Variants in MAPK8 observed in about 807,000 individuals in gnomAD.
The protein encoded by MAPK8 is JUN N-terminal kinase.
Under a neutral mutation model 52.9 loss-of-function variants are expected in MAPK8, and 13 were observed. The observed-to-expected ratio is 0.25, with a 90% CI of 0.16 to 0.39. MAPK8 has a LOEUF of 0.39. Among genes scored for constraint, MAPK8 ranks in the 10% least tolerant of loss-of-function variants. The pLI is 1.00. For synonymous variants in MAPK8, 191 were observed against 169.8 expected (o/e 1.12, Z -0.97); for missense variants, 300 against 519.2 (o/e 0.58, Z 4.10).
At chr10:48,318,246 G>A (rs1003911977) in intron 1 of MAPK8, among the ~76,000 whole-genome samples, 2 of 152,158 alleles carry the variant, frequency 1.3e-5, no homozygotes, top group Non-Finnish European at 2.9e-5. Context: ...GTGATTGGAT[G>A]AGGCCTACCC....
chr10:48,390,389 G>C (rs1419883323), intron 1 of MAPK8, among the ~76,000 whole-genome samples: 1 of 152,154 alleles, frequency 6.6e-6, no homozygotes, highest in Non-Finnish European at 1.5e-5. Context: ...GTCATAGATA[G>C]GTCTATTGGT....
chr10:48,385,804 TAG>T (rs1367412000), intron 1 of MAPK8, among the ~76,000 whole-genome samples: 75 of 152,294 alleles, frequency 4.9e-4, no homozygotes, highest in African/African-American at 1.8e-3. Context: ...CAAATGGAAA[TAG>T]TAGTTTTTGC....
intron 1 of MAPK8, among the ~76,000 whole-genome samples, chr10:48,326,617 T>C (rs1209663492): frequency 1.3e-5 from 2 of 152,214 alleles, no homozygotes; most frequent in Non-Finnish European, 2.9e-5. Context: ...ATTAGAAATA[T>C]CTGTATATCT....
chr10:48,350,680 A>G (rs1202092943), intron 1 of MAPK8, among the ~76,000 whole-genome samples: 5 of 152,202 alleles, frequency 3.3e-5, no homozygotes, highest in African/African-American at 9.6e-5. Flanking sequence ...GGCAAAAGCT[A>G]GAAGCATTCC....
chr10:48,360,146 T>C (rs762955083), intron 1 of MAPK8, among the ~76,000 whole-genome samples: 6 of 151,938 alleles, frequency 3.9e-5, no homozygotes, highest in Non-Finnish European at 7.4e-5. Flanking sequence ...CAGCCTGGGC[T>C]ACAAAGTGAG....
intron 10 of MAPK8, among the ~76,000 whole-genome samples, chr10:48,428,826 T>C (rs972025273): frequency 9.9e-5 from 15 of 152,144 alleles, no homozygotes; most frequent in Non-Finnish European, 2.1e-4. Context: ...TTTTTTTGTT[T>C]GTTTGTTTTT....
At chr10:48,321,788 T>C (rs1035602366) in intron 1 of MAPK8, among the ~76,000 whole-genome samples, 4 of 152,224 alleles carry the variant, frequency 2.6e-5, no homozygotes, top group Non-Finnish European at 5.9e-5. Flanking sequence ...CCAAATTGTC[T>C]TGGGCATTCT....
intron 1 of MAPK8, among the ~76,000 whole-genome samples, chr10:48,316,078 G>A (rs943143176): frequency 6.6e-6 from 1 of 152,172 alleles, no homozygotes; most frequent in African/African-American, 2.4e-5. Flanking sequence ...GGACAAGTTG[G>A]GGATCACTTG....
chr10:48,402,146 A>G (rs2042191785), intron 2 of MAPK8, among the ~76,000 whole-genome samples: 1 of 152,128 alleles, frequency 6.6e-6, no homozygotes, highest in Non-Finnish European at 1.5e-5. Context: ...TAGATTTCAT[A>G]TTTTCAGATT....
intron 1 of MAPK8, among the ~76,000 whole-genome samples, chr10:48,372,948 T>C (rs573132533): frequency 6.6e-6 from 1 of 151,766 alleles, no homozygotes; most frequent in African/African-American, 2.4e-5. Context: ...TTCATCAAGG[T>C]TGAAATGAAG....
intron 6 of MAPK8, among the ~76,000 whole-genome samples, chr10:48,423,735 A>G (rs1277171591): frequency 2.0e-5 from 3 of 152,158 alleles, no homozygotes; most frequent in Non-Finnish European, 4.4e-5. Context: ...TTATAATTTT[A>G]CTACCTCATG....
chr10:48,343,556 G>A (rs1232104376), intron 1 of MAPK8, among the ~76,000 whole-genome samples: 17 of 152,194 alleles, frequency 1.1e-4, no homozygotes, highest in Non-Finnish European at 1.8e-4. Flanking sequence ...GGAAGAAAAT[G>A]CTTCAAGGAT....
chr10:48,378,793 TCTCA>T (rs1227297738), intron 1 of MAPK8, among the ~76,000 whole-genome samples: 4 of 152,030 alleles, frequency 2.6e-5, no homozygotes, highest in African/African-American at 9.7e-5. Flanking sequence ...TTAGTAACAA[TCTCA>T]CTCTGTCACT....
At chr10:48,409,662 G>T (rs866083392) in intron 3 of MAPK8, among the ~76,000 whole-genome samples, 3 of 152,152 alleles carry the variant, frequency 2.0e-5, no homozygotes, top group African/African-American at 7.2e-5. Flanking sequence ...CAGATAAATG[G>T]GTTACAGATA....
At chr10:48,333,261 C>T (rs186665571) in intron 1 of MAPK8, among the ~76,000 whole-genome samples, 29 of 152,242 alleles carry the variant, frequency 1.9e-4, no homozygotes, top group East Asian at 1.4e-3. Context: ...TTTTAGAATC[C>T]GAGAATCAGT....
chr10:48,323,544 A>T (rs1223096084), intron 1 of MAPK8, among the ~76,000 whole-genome samples: 2 of 152,210 alleles, frequency 1.3e-5, no homozygotes, highest in African/African-American at 4.8e-5. Flanking sequence ...TGAGAGATAC[A>T]AAATGATACT....
intron 1 of MAPK8, among the ~76,000 whole-genome samples, chr10:48,326,488 G>A (rs1267517116): frequency 1.3e-5 from 2 of 152,068 alleles, no homozygotes; most frequent in Non-Finnish European, 2.9e-5. Context: ...TCTCTAAGGA[G>A]CACTGTTTCC....
At chr10:48,397,002 A>G (rs958283334) in intron 1 of MAPK8, among the ~76,000 whole-genome samples, 5 of 152,202 alleles carry the variant, frequency 3.3e-5, no homozygotes, top group Non-Finnish European at 5.9e-5. Context: ...GTTTCTGGGT[A>G]CCTTTCACCC....
At chr10:48,430,066 A>C (rs2044064378) in intron 10 of MAPK8, 1 of 152,192 alleles carries the variant, frequency 6.6e-6, no homozygotes, top group South Asian at 2.1e-4. Context: ...AGTAGACATT[A>C]AGAACCTTAA....
Sources: allele counts gnomAD v4.1 joint callset (sites outside exome capture counted in the v4.1 genomes callset), GRCh38; gene constraint gnomAD v4.1.1; transcripts MANE v1.5; gene names NCBI Gene and HGNC (gene_info 2026-07-23, HGNC 2026-07-21).